The following METTL24 variants were observed in gnomAD, a reference collection of about 807,000 sequenced individuals.
The protein encoded by METTL24 is probable methyltransferase-like protein 24.
In METTL24, 29 loss-of-function variants were observed where a neutral mutation model predicts 32.7. The observed-to-expected ratio is 0.89, with a 90% confidence interval of 0.66 to 1.21. The LOEUF (loss-of-function observed/expected upper bound fraction) is 1.21, where lower values mean the gene tolerates loss of function less well. Ranked by LOEUF, METTL24 falls within the 50% of genes most tolerant of loss-of-function variation. The pLI is 0.00. For synonymous variants in METTL24, 163 were observed against 179.5 expected (o/e 0.91, Z 0.73); for missense variants, 439 against 468.1 (o/e 0.94, Z 0.57).
intron 3 of METTL24, among the ~76,000 whole-genome samples, chr6:110,307,813 C>T (rs1361276084): frequency 6.6e-6 from 1 of 152,184 alleles, no homozygotes; most frequent in East Asian, 1.9e-4. Flanking sequence ...CACGTATATT[C>T]AAAGCTATAT....
chr6:110,250,623 A>G (rs2114690492), intron 4 of METTL24, among the ~76,000 whole-genome samples: 1 of 152,226 alleles, frequency 6.6e-6, no homozygotes, highest in East Asian at 1.9e-4. Context: ...CAGGGCCAAT[A>G]GTTAGGAAAA....
chr6:110,335,149 T>C (rs568995504), intron 1 of METTL24, among the ~76,000 whole-genome samples: 10 of 152,320 alleles, frequency 6.6e-5, no homozygotes, highest in Admixed American at 1.3e-4. Context: ...TTCAGGGACA[T>C]GAAGAATTGC....
intron 4 of METTL24, among the ~76,000 whole-genome samples, chr6:110,268,519 G>A (rs556646340): frequency 2.4e-4 from 37 of 152,168 alleles, no homozygotes; most frequent in Non-Finnish European, 3.8e-4. Flanking sequence ...TCCAGCATGT[G>A]CATGGCCTGC....
At chr6:110,310,421 C>T (rs957489452) in intron 3 of METTL24, among the ~76,000 whole-genome samples, 1 of 152,088 alleles carries the variant, frequency 6.6e-6, no homozygotes, top group African/African-American at 2.4e-5. Flanking sequence ...TCATCCCTCC[C>T]CTCCCCTCCA....
At chr6:110,257,690 T>C (rs1457906816) in intron 4 of METTL24, among the ~76,000 whole-genome samples, 1 of 152,216 alleles carries the variant, frequency 6.6e-6, no homozygotes, top group Admixed American at 6.5e-5. Flanking sequence ...GACCACACTT[T>C]GTGAATCACT....
At chr6:110,355,455 A>G (rs1459667587) in intron 1 of METTL24, among the ~76,000 whole-genome samples, 1 of 152,114 alleles carries the variant, frequency 6.6e-6, no homozygotes, top group Non-Finnish European at 1.5e-5. Context: ...AAAGCTAAAC[A>G]TTTCCTTTAC....
intron 2 of METTL24, among the ~76,000 whole-genome samples, chr6:110,318,651 CAAAAAA>C (rs56890760): frequency 1.1e-5 from 1 of 90,580 alleles, no homozygotes; most frequent in Non-Finnish European, 2.4e-5. Context: ...GACTCTACCT[CAAAAAA>C]AAAAAAAAAA....
intron 1 of METTL24, among the ~76,000 whole-genome samples, chr6:110,324,538 T>A (rs1344328276): frequency 6.6e-6 from 1 of 152,232 alleles, no homozygotes; most frequent in Non-Finnish European, 1.5e-5. Flanking sequence ...ACAGGCAGTG[T>A]GCCTAGAGTC....
At chr6:110,356,456 AAAAAGAAAAG>A (rs199749706) in intron 1 of METTL24, among the ~76,000 whole-genome samples, 11 of 150,456 alleles carry the variant, frequency 7.3e-5, no homozygotes, top group South Asian at 2.1e-4. Flanking sequence ...TAAAAAAAAG[AAAAAGAAAAG>A]AAAAGAAAAG....
At chr6:110,357,423 C>T (rs1772719583) in intron 1 of METTL24, 2 of 152,250 alleles carry the variant, frequency 1.3e-5, no homozygotes, top group African/African-American at 2.4e-5. Context: ...AGCCCCCAGC[C>T]AACGCCTGGA....
intron 4 of METTL24, among the ~76,000 whole-genome samples, chr6:110,260,365 G>C (rs1778470786): frequency 6.6e-6 from 1 of 152,220 alleles, no homozygotes; most frequent in Non-Finnish European, 1.5e-5. Flanking sequence ...AAGGTTATCA[G>C]TGATGGAAGA....
At chr6:110,336,718 G>C (rs1224764078) in intron 1 of METTL24, among the ~76,000 whole-genome samples, 1 of 141,070 alleles carries the variant, frequency 7.1e-6, no homozygotes, top group African/African-American at 2.7e-5. Context: ...CAGCCTGGGC[G>C]ACACAGCAAG....
intron 3 of METTL24, among the ~76,000 whole-genome samples, chr6:110,303,819 G>A (rs1364817467): frequency 6.6e-6 from 1 of 152,246 alleles, no homozygotes; most frequent in African/African-American, 2.4e-5. Context: ...GCTCTGCTAA[G>A]GTACAGACTG....
chr6:110,323,892 AG>A (rs1436678085), intron 1 of METTL24, among the ~76,000 whole-genome samples: 1 of 152,064 alleles, frequency 6.6e-6, no homozygotes, highest in African/African-American at 2.4e-5. Flanking sequence ...GGAAGTAGGC[AG>A]GGGAGGGTTC....
chr6:110,296,337 T>C (rs1287408870), intron 4 of METTL24, among the ~76,000 whole-genome samples: 1 of 152,232 alleles, frequency 6.6e-6, no homozygotes, highest in African/African-American at 2.4e-5. Context: ...AACTGTATGC[T>C]TAGTTAACAA....
intron 2 of METTL24, among the ~76,000 whole-genome samples, chr6:110,320,109 A>G (rs939099242): frequency 2.0e-5 from 3 of 152,224 alleles, no homozygotes; most frequent in Admixed American, 6.5e-5. Context: ...GAATACATCA[A>G]TGATGCACAT....
chr6:110,250,552 T>A (rs1428956503), intron 4 of METTL24, among the ~76,000 whole-genome samples: 1 of 151,930 alleles, frequency 6.6e-6, no homozygotes. Context: ...ATTCAACCCA[T>A]AACAGTGTTT....
At chr6:110,265,629 CCAT>C (rs958981272) in intron 4 of METTL24, among the ~76,000 whole-genome samples, 2 of 152,108 alleles carry the variant, frequency 1.3e-5, no homozygotes, top group African/African-American at 4.8e-5. Context: ...AGTGCTTCCT[CCAT>C]CATTTCAACT....
intron 1 of METTL24, among the ~76,000 whole-genome samples, chr6:110,337,522 A>T (rs1470954577): frequency 6.6e-6 from 1 of 152,234 alleles, no homozygotes; most frequent in Non-Finnish European, 1.5e-5. Flanking sequence ...ACCATCAGAG[A>T]TTGAATGGTA....
Sources: allele counts gnomAD v4.1 joint callset (sites outside exome capture counted in the v4.1 genomes callset), GRCh38; gene constraint gnomAD v4.1.1; transcripts MANE v1.5; gene names NCBI Gene and HGNC (gene_info 2026-07-23, HGNC 2026-07-21).